Variants in PCCA observed in about 807,000 individuals in gnomAD.
PCCA encodes propionyl-CoA carboxylase subunit alpha.
Under a neutral mutation model 101.3 loss-of-function variants are expected in PCCA, and 74 were observed. That is an observed-to-expected ratio of 0.73 (90% CI 0.61 to 0.89). PCCA has a LOEUF of 0.89. Ranked by LOEUF, PCCA falls within the 40% of genes least tolerant of loss-of-function variation. The pLI is 0.00. For missense variants in PCCA, 891 were observed against 907.0 expected, an observed-to-expected ratio of 0.98 and a Z score of 0.23; for synonymous variants, 294 against 313.6, an observed-to-expected ratio of 0.94 and a Z score of 0.66.
In PCCA at chr13:100,309,920, G is replaced by T. The variant is rs1555414246; in HGVS notation, c.1429+12G>T. 1.9e-6 allele frequency: 3 copies of T among 1,592,558 alleles called. No homozygotes were observed. In the South Asian group the frequency reaches 3.3e-5, roughly 18 times the overall value. On this transcript the variant is annotated intron_variant, in intron 16 of 23. Coordinates refer to ENST00000376285, the MANE Select transcript of PCCA (RefSeq NM_000282.4). ...CTATGTTATTCGAGGTAAAAACAAA[G>T]ATTTGCACTCGTTGGTTATTGTATA...
intron 17 of PCCA, among the ~76,000 whole-genome samples, chr13:100,335,147 A>G (rs957577239): frequency 6.6e-6 from 1 of 152,212 alleles, no homozygotes; most frequent in African/African-American, 2.4e-5. Flanking sequence ...TATCGTCATC[A>G]ATATAAACAA....
In PCCA at chr13:100,111,823, T is replaced by C. The variant is rs757554291; in HGVS notation, c.184-18T>C. ...TAAAAGTAACAATTTCTAATGAATGTGTTTTTTCTCTCTTCAGACTTTTGA... is the reference window on the plus strand; with the variant it reads ...TAAAAGTAACAATTTCTAATGAATGCGTTTTTTCTCTCTTCAGACTTTTGA... On this transcript the variant is annotated intron_variant, in intron 2 of 23. Transcript: ENST00000376285. 1.9e-6 allele frequency: 3 copies of C among 1,541,116 alleles called. No individual in the cohort carries two copies. The highest frequency in any genetic ancestry group is 1.1e-5 in the South Asian group (1 of 88,724).
intron 8 of PCCA, among the ~76,000 whole-genome samples, chr13:100,254,622 A>G (rs937856983): frequency 6.6e-6 from 1 of 152,172 alleles, no homozygotes; most frequent in African/African-American, 2.4e-5. Flanking sequence ...ATTATTTAAC[A>G]TTATCTGTGT....
chr13:100,497,486 G>A (rs993634744), intron 21 of PCCA, among the ~76,000 whole-genome samples: 5 of 147,956 alleles, frequency 3.4e-5, no homozygotes, highest in South Asian at 2.1e-4. Context: ...TTTAATTTTA[G>A]TGGCAGTAAG....
At position 100,235,837 on chromosome 13, in the gene PCCA, T is replaced by C; in HGVS notation, c.601-5T>C. 6.2e-7 allele frequency: 1 copy of C among 1,603,806 alleles called. No individual in the cohort carries two copies. Among genetic ancestry groups the C allele is most frequent in the Non-Finnish European group, 8.5e-7 (1 of 1,170,798 alleles). On this transcript the variant is annotated splice_polypyrimidine_tract_variant and splice_region_variant and intron_variant, in intron 7 of 23. Coordinates refer to ENST00000376285, the MANE Select transcript of PCCA (RefSeq NM_000282.4). ...AATGTTGAGTCTCATTTCCTGCTTT[T>C]ACAGGATGCAGAAGAAGCTGTCAGA...
At chr13:100,278,844 G>A (rs2063862228) in intron 12 of PCCA, among the ~76,000 whole-genome samples, 1 of 151,936 alleles carries the variant, frequency 6.6e-6, no homozygotes, top group Non-Finnish European at 1.5e-5. Flanking sequence ...CCTATGTTTT[G>A]TGTATTGGAT....
chr13:100,104,878 A>G (rs1271149617), intron 2 of PCCA, among the ~76,000 whole-genome samples: 4 of 151,630 alleles, frequency 2.6e-5, no homozygotes, highest in African/African-American at 7.3e-5. Flanking sequence ...TAATTTTTGT[A>G]TTTTTAGTAG....
intron 21 of PCCA, among the ~76,000 whole-genome samples, chr13:100,510,738 A>G (rs1194360185): frequency 6.6e-6 from 1 of 152,226 alleles, no homozygotes; most frequent in Non-Finnish European, 1.5e-5. Flanking sequence ...TGTGGGTTGT[A>G]GGAGAAAGTC....
intron 21 of PCCA, among the ~76,000 whole-genome samples, chr13:100,498,504 A>G (rs1002429879): frequency 2.6e-5 from 4 of 152,180 alleles, no homozygotes; most frequent in Non-Finnish European, 4.4e-5. Flanking sequence ...GTTAAAATTC[A>G]CATAACACAA....
chr13:100,455,410 C>T (rs1339305271), intron 21 of PCCA, among the ~76,000 whole-genome samples: 1 of 152,128 alleles, frequency 6.6e-6, no homozygotes, highest in Non-Finnish European at 1.5e-5. Context: ...ATTTATATCC[C>T]TAAGTGATAT....
intron 16 of PCCA, among the ~76,000 whole-genome samples, chr13:100,328,529 A>G (rs985347579): frequency 2.0e-5 from 3 of 151,096 alleles, no homozygotes; most frequent in African/African-American, 4.8e-5. Flanking sequence ...GTTTGTCAAT[A>G]TTTTTATAGT....
chr13:100,364,085 T>C (rs1595597206), intron 18 of PCCA, among the ~76,000 whole-genome samples: 1 of 152,120 alleles, frequency 6.6e-6, no homozygotes, highest in Admixed American at 6.6e-5. Flanking sequence ...TTTACTGGGG[T>C]TTTTGGTTTT....
chr13:100,270,125 G>A (rs1375008379), intron 11 of PCCA, among the ~76,000 whole-genome samples: 2 of 152,176 alleles, frequency 1.3e-5, no homozygotes, highest in African/African-American at 2.4e-5. Context: ...AGTTCTCAAG[G>A]CCCAGGAACA....
intron 19 of PCCA, among the ~76,000 whole-genome samples, chr13:100,415,898 A>G (rs1371948180): frequency 2.0e-5 from 3 of 152,236 alleles, no homozygotes; most frequent in African/African-American, 7.2e-5. Context: ...AAGCTATAAT[A>G]TTTTAACTAT....
intron 8 of PCCA, among the ~76,000 whole-genome samples, chr13:100,255,652 A>G (rs1160871670): frequency 6.6e-6 from 1 of 152,152 alleles, no homozygotes; most frequent in Non-Finnish European, 1.5e-5. Context: ...TCAAATTTTT[A>G]GATTGCGCTT....
rs1013766317 is a variant in PCCA, at chr13:100,394,897, G to A, written c.1746+26323G>A. Among the ~76,000 whole-genome samples the A allele has an allele frequency of 6.6e-6, 1 of 152,134 alleles. No individual in the cohort carries two copies. Among genetic ancestry groups the A allele is most frequent in the African/African-American group, 2.4e-5 (1 of 41,496 alleles). ...CCAGTTTGTGTGTCCAGGGTCTGAC[G>A]TGCTCCATCATCAAGGCAGCTTTTA... On this transcript the variant is annotated intron_variant, in intron 19 of 23. Coordinates refer to ENST00000376285, the MANE Select transcript of PCCA (RefSeq NM_000282.4). The surrounding 1 kb of genome is among the most constrained non-coding windows in gnomAD (Gnocchi z 4.3).
At chr13:100,245,457 C>G (rs964612048) in intron 8 of PCCA, among the ~76,000 whole-genome samples, 4 of 152,188 alleles carry the variant, frequency 2.6e-5, no homozygotes, top group Non-Finnish European at 5.9e-5. Flanking sequence ...TCACTTTAAA[C>G]AACACAGATT....
intron 4 of PCCA, among the ~76,000 whole-genome samples, chr13:100,116,628 A>G (rs2048824582): frequency 1.4e-5 from 2 of 145,566 alleles, no homozygotes; most frequent in African/African-American, 2.5e-5. Flanking sequence ...CCCAATTTTT[A>G]GATACCATGA....
At chr13:100,101,985 T>C (rs183437870) in intron 1 of PCCA, among the ~76,000 whole-genome samples, 1 of 152,338 alleles carries the variant, frequency 6.6e-6, no homozygotes, top group African/African-American at 2.4e-5. Flanking sequence ...TGAGTCGTTA[T>C]CATCTTAGAA....
Sources: gnomAD v4.1 joint callset for allele counts (sites outside exome capture counted in the v4.1 genomes callset) on GRCh38, gnomAD v4.1.1 for gene constraint, Gnocchi (gnomAD v3.1) non-coding constraint, MANE v1.5 for transcripts, NCBI Gene and HGNC (gene_info 2026-07-23, HGNC 2026-07-21) for gene names.